GNB1: variants seen among roughly 807,000 people sequenced by gnomAD.
GNB1 encodes the protein guanine nucleotide-binding protein G(I)/G(S)/G(T) subunit beta-1.
A neutral mutation model predicts 42.9 loss-of-function variants in GNB1; 2 were observed. That is an observed-to-expected ratio of 0.05 (90% CI 0.02 to 0.15). The LOEUF (loss-of-function observed/expected upper bound fraction) is 0.15. Ranked by LOEUF, GNB1 falls within the 10% of genes least tolerant of loss-of-function variation. GNB1 has a pLI of 1.00. For synonymous variants in GNB1, 183 were observed against 174.7 expected, an observed-to-expected ratio of 1.05 and a Z score of -0.38; for missense variants, 193 against 462.2, an observed-to-expected ratio of 0.42 and a Z score of 5.34.
intron 1 of GNB1, among the ~76,000 whole-genome samples, chr1:1,875,495 G>A (rs1365502674): frequency 6.6e-6 from 1 of 151,818 alleles, no homozygotes; most frequent in Non-Finnish European, 1.5e-5. Flanking sequence ...ACCTGGCCAA[G>A]GACACTTTAC....
chr1:1,824,298 G>A (rs549843021), intron 3 of GNB1, among the ~76,000 whole-genome samples: 25 of 152,302 alleles, frequency 1.6e-4, no homozygotes, highest in Non-Finnish European at 3.2e-4. Flanking sequence ...AAAAGTAGGA[G>A]CAGCAGAATG....
chr1:1,804,643 G>A (rs1646672098), intron 6 of GNB1, 62 bp from the exon 7 acceptor site: 2 of 1,284,806 alleles, frequency 1.6e-6, no homozygotes, highest in Non-Finnish European at 2.2e-6. Flanking sequence ...CTGACACCAG[G>A]ATTTTCTCAT....
intron 1 of GNB1, among the ~76,000 whole-genome samples, chr1:1,889,863 A>C (rs550098822): frequency 5.2e-4 from 79 of 152,110 alleles, no homozygotes; most frequent in Non-Finnish European, 9.1e-4. Flanking sequence ...TTTTCAACAG[A>C]TCTCCCCACT....
At chr1:1,843,242 C>A (rs1264669296) in intron 1 of GNB1, among the ~76,000 whole-genome samples, 1 of 152,064 alleles carries the variant, frequency 6.6e-6, no homozygotes, top group Admixed American at 6.6e-5. Context: ...TTTTTTGAGA[C>A]AGGGTCACCC....
At chr1:1,798,288 T>A (rs111575142) in intron 7 of GNB1, among the ~76,000 whole-genome samples, 7 of 152,340 alleles carry the variant, frequency 4.6e-5, no homozygotes, top group African/African-American at 9.6e-5. Flanking sequence ...AGTCACCAGC[T>A]GCCCTGTTGT....
rs1557879820 is a variant in GNB1, at chr1:1,789,322, T to A, written c.700-53A>T. The A allele has an allele frequency of 5.0e-6, 5 of 1,001,656 alleles. No individual in the cohort carries two copies. In the East Asian group the frequency reaches 1.2e-4, roughly 25 times the overall value. The allele number at this position is 1,001,656 out of a possible 1,614,324, so 62.0% of individuals were successfully genotyped here. A position where few individuals can be genotyped will look rare whatever the true frequency, so the allele number is the denominator to read the frequency against. Reference sequence around the variant, plus strand: ...CATGTAAACGCTCAGAAAGAAACATTGGGAATATGGATTGCTCAATGGTAG... The same window carrying A: ...CATGTAAACGCTCAGAAAGAAACATAGGGAATATGGATTGCTCAATGGTAG... On this transcript the variant is annotated intron_variant, in intron 9 of 11. Coordinates refer to ENST00000378609, the MANE Select transcript of GNB1 (RefSeq NM_002074.5).
At chr1:1,859,068 C>G (rs947160596) in intron 1 of GNB1, among the ~76,000 whole-genome samples, 2 of 150,270 alleles carry the variant, frequency 1.3e-5, no homozygotes, top group African/African-American at 4.9e-5. Context: ...GTTGCCCAGG[C>G]TGGAATGCAA....
chr1:1,787,482 C>A lies in GNB1; in HGVS notation c.917-45G>T. 1 of 1,147,442 alleles carries A rather than the reference C, an allele frequency of 8.7e-7. No homozygotes were observed. 71.1% of individuals were successfully genotyped at this position (1,147,442 alleles called of 1,614,324 possible). Reference sequence around the variant, plus strand: ...GAATCACACCAAAGCCCAGAGGCATCGATCTCACCTGTGTGCCATGTTGTG... The same window carrying A: ...GAATCACACCAAAGCCCAGAGGCATAGATCTCACCTGTGTGCCATGTTGTG... On this transcript the variant is annotated intron_variant, in intron 10 of 11. Coordinates refer to ENST00000378609, the MANE Select transcript of GNB1 (RefSeq NM_002074.5). The surrounding 1 kb of genome is among the most constrained non-coding windows in gnomAD (Gnocchi z 4.4).
At chr1:1,857,658 A>G (rs1278109234) in intron 1 of GNB1, among the ~76,000 whole-genome samples, 1 of 152,120 alleles carries the variant, frequency 6.6e-6, no homozygotes, top group Non-Finnish European at 1.5e-5. Flanking sequence ...ACTTCTCTAC[A>G]TGTGCACTTA....
At chr1:1,864,307 ACTCT>A (rs1165344723) in intron 1 of GNB1, among the ~76,000 whole-genome samples, 1 of 93,836 alleles carries the variant, frequency 1.1e-5, no homozygotes, top group Non-Finnish European at 2.2e-5. Flanking sequence ...CAAGAGCAAG[ACTCT>A]CTCAAAAAAA....
intron 1 of GNB1, among the ~76,000 whole-genome samples, chr1:1,859,386 G>T (rs921575805): frequency 4.6e-5 from 7 of 152,092 alleles, no homozygotes; most frequent in African/African-American, 1.7e-4. Context: ...TGTTTAGATG[G>T]AAAGATTCAA....
intron 1 of GNB1, among the ~76,000 whole-genome samples, chr1:1,845,960 G>A (rs1447771761): frequency 6.6e-5 from 10 of 151,716 alleles, no homozygotes; most frequent in African/African-American, 1.9e-4. Flanking sequence ...TATAAAAACG[G>A]TTCCCTTTAA....
In GNB1 at chr1:1,863,890, C is replaced by T. The variant is rs560331159; in HGVS notation, c.-95-24652G>A. On this transcript the variant is annotated intron_variant, in intron 1 of 11. Transcript: ENST00000378609. Reference sequence around the variant, plus strand: ...AATGTTTCTGTGGGAGGTGGTGTTGCACAGTGACTGAAAACAAGAGGGTCT... The same window carrying T: ...AATGTTTCTGTGGGAGGTGGTGTTGTACAGTGACTGAAAACAAGAGGGTCT... 2.0e-5 allele frequency among the ~76,000 whole-genome samples: 3 copies of T among 152,276 alleles called. No individual in the cohort carries two copies. The South Asian group carries it at 6.2e-4, about 32-fold the overall frequency.
chr1:1,837,159 A>G (rs972314098), intron 2 of GNB1, among the ~76,000 whole-genome samples: 1 of 152,014 alleles, frequency 6.6e-6, no homozygotes, highest in Non-Finnish European at 1.5e-5. Flanking sequence ...TACGCATTCT[A>G]TCTTTGATCT....
chr1:1,820,380 A>G (rs1033507041), intron 3 of GNB1, among the ~76,000 whole-genome samples: 1 of 138,492 alleles, frequency 7.2e-6, no homozygotes, highest in African/African-American at 2.7e-5. Context: ...AAAAAAAAAA[A>G]GGAACTATAC....
intron 1 of GNB1, among the ~76,000 whole-genome samples, chr1:1,873,883 C>A (rs923593004): frequency 2.0e-5 from 3 of 152,138 alleles, no homozygotes; most frequent in African/African-American, 7.2e-5. Flanking sequence ...ATCCCTGTGG[C>A]ACACCCCAGC....
chr1:1,792,596 G>A (rs1646495438), intron 8 of GNB1, among the ~76,000 whole-genome samples: 1 of 150,994 alleles, frequency 6.6e-6, no homozygotes, highest in Admixed American at 6.6e-5. Flanking sequence ...TACTCGGGAG[G>A]CTGAGAGGGG....
At chr1:1,810,135 G>A (rs959608722) in intron 5 of GNB1, among the ~76,000 whole-genome samples, 1 of 151,980 alleles carries the variant, frequency 6.6e-6, no homozygotes, top group Non-Finnish European at 1.5e-5. Flanking sequence ...GGAGGATCTC[G>A]GCTAACTGCA....
At chr1:1,889,158 G>A (rs1019590232) in intron 1 of GNB1, among the ~76,000 whole-genome samples, 1 of 152,166 alleles carries the variant, frequency 6.6e-6, no homozygotes, top group Non-Finnish European at 1.5e-5. Flanking sequence ...CAATAACAAT[G>A]CTTGCTCCAA....
Sources: allele counts gnomAD v4.1 joint callset (sites outside exome capture counted in the v4.1 genomes callset), GRCh38; gene constraint gnomAD v4.1.1; non-coding constraint Gnocchi (gnomAD v3.1); transcripts MANE v1.5; gene names NCBI Gene and HGNC (gene_info 2026-07-23, HGNC 2026-07-21).